ANKRD30B: variants seen among roughly 807,000 people sequenced by gnomAD.
ANKRD30B encodes the protein ankyrin repeat domain-containing protein 30B.
Under a neutral mutation model 202.2 loss-of-function variants are expected in ANKRD30B, and 144 were observed. That is an observed-to-expected ratio of 0.71 (90% CI 0.62 to 0.82). The LOEUF (loss-of-function observed/expected upper bound fraction) is 0.82. ANKRD30B is among the 40% of genes least tolerant of loss of function. ANKRD30B has a pLI of 0.00. For synonymous variants in ANKRD30B, 508 were observed against 561.3 expected, an observed-to-expected ratio of 0.91 and a Z score of 1.34; for missense variants, 1,487 against 1,669.1, an observed-to-expected ratio of 0.89 and a Z score of 1.90.
the ANKRD30B span, among the ~76,000 whole-genome samples, chr18:14,890,483 G>T: frequency 6.6e-6 from 1 of 151,510 alleles, no homozygotes; most frequent in Non-Finnish European, 1.5e-5. Context: ...CATAACCACA[G>T]ATTGAGGCAG....
In ANKRD30B at chr18:14,775,438, A is replaced by G. The variant is rs539274479; in HGVS notation, c.1330-2547A>G. ...TTCAGGGAGAAAGAGTTTAAACTGT[A>G]GTCTTAGTCTTGCTCAACTTGGAAC... On this transcript the variant is annotated intron_variant, in intron 9 of 43. Coordinates refer to ENST00000690538, the MANE Select transcript of ANKRD30B (RefSeq NM_001367607.2). 2.0e-5 allele frequency among the ~76,000 whole-genome samples: 3 copies of G among 152,356 alleles called. No individual in the cohort carries two copies. In the East Asian group the frequency reaches 5.8e-4, roughly 29 times the overall value.
the ANKRD30B span, among the ~76,000 whole-genome samples, chr18:14,865,070 C>T: frequency 2.0e-5 from 3 of 150,162 alleles, no homozygotes; most frequent in South Asian, 2.1e-4. Context: ...TTTCCCCACT[C>T]CCTCTGGCCA....
intron 5 of ANKRD30B, 40 bp from the exon 6 acceptor site, chr18:14,760,514 G>A: frequency 1.8e-6 from 2 of 1,129,518 alleles, no homozygotes; most frequent in Admixed American, 2.6e-5. Flanking sequence ...TTTATATCTT[G>A]TTAAAATAGT....
intron 20 of ANKRD30B, among the ~76,000 whole-genome samples, chr18:14,798,059 CAT>C (rs1263922507): frequency 6.6e-6 from 1 of 152,160 alleles, no homozygotes; most frequent in Non-Finnish European, 1.5e-5. Context: ...AGCTTTGCCT[CAT>C]GTGGATATCT....
chr18:14,822,897 T>A (rs1970493496), intron 32 of ANKRD30B, among the ~76,000 whole-genome samples: 2 of 133,896 alleles, frequency 1.5e-5, no homozygotes, highest in African/African-American at 5.7e-5. Context: ...ATGTGGTTCT[T>A]CTTTAATATC....
chr18:14,756,092 C>T (rs2143665674), intron 4 of ANKRD30B, among the ~76,000 whole-genome samples: 1 of 152,258 alleles, frequency 6.6e-6, no homozygotes, highest in South Asian at 2.1e-4. Context: ...TAATGATCGC[C>T]ATTCTAACTA....
the ANKRD30B span, among the ~76,000 whole-genome samples, chr18:14,938,005 C>G: frequency 3.1e-4 from 47 of 152,334 alleles, 1 homozygote; most frequent in East Asian, 8.3e-3. Flanking sequence ...ACCGCTGCTC[C>G]TAAAACTAAA....
chr18:14,873,605 A>G, the ANKRD30B span, among the ~76,000 whole-genome samples: 1 of 151,494 alleles, frequency 6.6e-6, no homozygotes, highest in Non-Finnish European at 1.5e-5. Flanking sequence ...GCTATTTCTG[A>G]GAGCTATGTG....
chr18:14,865,727 C>T, the ANKRD30B span, among the ~76,000 whole-genome samples: 1 of 151,768 alleles, frequency 6.6e-6, no homozygotes, highest in Non-Finnish European at 1.5e-5. Context: ...TTCATCTATC[C>T]CAAAACTATT....
At chr18:14,837,176 T>C (rs1971213551) in intron 34 of ANKRD30B, 35 bp from the exon 35 acceptor site, 2 of 1,429,326 alleles carry the variant, frequency 1.4e-6, no homozygotes, top group African/African-American at 1.4e-5. Context: ...GAAGTTTTTT[T>C]TTTGTGTTTG....
the ANKRD30B span, among the ~76,000 whole-genome samples, chr18:14,924,847 C>T: frequency 2.0e-5 from 3 of 152,198 alleles, no homozygotes; most frequent in African/African-American, 7.2e-5. Flanking sequence ...AGGGAGGTAG[C>T]TCAGTGCAGT....
chr18:14,883,472 T>C, the ANKRD30B span: 1 of 146,704 alleles, frequency 6.8e-6, no homozygotes, highest in South Asian at 2.2e-4. Context: ...TCTATAGATA[T>C]ATACGGAACA....
the ANKRD30B span, among the ~76,000 whole-genome samples, chr18:14,864,352 C>A: frequency 6.6e-6 from 1 of 152,074 alleles, no homozygotes. Context: ...CAAACCAAAC[C>A]AAACCAAACC....
At chr18:14,890,099 G>T in the ANKRD30B span, 12 of 1,066,574 alleles carry the variant, frequency 1.1e-5, no homozygotes, top group African/African-American at 1.4e-4. Flanking sequence ...TATATTCAAG[G>T]AATCACAGAA....
the ANKRD30B span, among the ~76,000 whole-genome samples, chr18:14,883,020 T>TACATTTCCTGTGAGC: frequency 0.42 from 63,220 of 151,612 alleles, 14,063 homozygotes; most frequent in East Asian, 0.58. Context: ...TTCTAGTGCC[T>TACATTTCCTGTGAGC]ACATTTCCTG....
chr18:14,757,760 T>C (rs2143680865), intron 4 of ANKRD30B, 55 bp from the exon 5 acceptor site: 16 of 1,571,988 alleles, frequency 1.0e-5, no homozygotes, highest in Non-Finnish European at 1.4e-5. Context: ...TCTACACTGA[T>C]AGGCACATAT....
chr18:14,897,367 G>A, the ANKRD30B span, among the ~76,000 whole-genome samples: 2 of 152,038 alleles, frequency 1.3e-5, no homozygotes, highest in Non-Finnish European at 2.9e-5. Flanking sequence ...TTTTAGTAGA[G>A]ACCCGGTTTT....
At chr18:14,930,623 A>C in the ANKRD30B span, among the ~76,000 whole-genome samples, 1 of 152,030 alleles carries the variant, frequency 6.6e-6, no homozygotes, top group Non-Finnish European at 1.5e-5. Flanking sequence ...TTGTCCAGCC[A>C]CCTATTATAC....
At chr18:14,756,318 G>A (rs1363105250) in intron 4 of ANKRD30B, among the ~76,000 whole-genome samples, 1 of 152,136 alleles carries the variant, frequency 6.6e-6, no homozygotes, top group Non-Finnish European at 1.5e-5. Context: ...TTTGTTAGAT[G>A]AGTAGGTTGC....
Sources: gnomAD v4.1 joint callset for allele counts (sites outside exome capture counted in the v4.1 genomes callset) on GRCh38, gnomAD v4.1.1 for gene constraint, MANE v1.5 for transcripts, NCBI Gene and HGNC (gene_info 2026-07-23, HGNC 2026-07-21) for gene names.